The following DOCK4 variants were observed in gnomAD, a reference collection of about 807,000 sequenced individuals.
DOCK4 encodes the protein dedicator of cytokinesis 4.
DOCK4 carries 97 observed loss-of-function variants against 268.1 expected under a neutral mutation model. That is an observed-to-expected ratio of 0.36 (90% CI 0.31 to 0.43). The LOEUF is 0.43. Ranked by LOEUF, DOCK4 falls within the 20% of genes least tolerant of loss-of-function variation. DOCK4 has a pLI of 1.00. For synonymous variants in DOCK4, 954 were observed against 887.2 expected, an observed-to-expected ratio of 1.08 and a Z score of -1.34; for missense variants, 2,145 against 2,455.7, an observed-to-expected ratio of 0.87 and a Z score of 2.67.
chr7:112,189,137 G>C (rs1483094306), intron 1 of DOCK4, among the ~76,000 whole-genome samples: 1 of 152,164 alleles, frequency 6.6e-6, no homozygotes, highest in East Asian at 1.9e-4. Context: ...TATTTCTTCA[G>C]CATGCCATAT....
chr7:112,187,369 C>A (rs1189284640), intron 1 of DOCK4, among the ~76,000 whole-genome samples: 1 of 152,126 alleles, frequency 6.6e-6, no homozygotes, highest in Non-Finnish European at 1.5e-5. Context: ...TGTCTACATG[C>A]GAATAATTTC....
chr7:112,034,678 T>G (rs886852471), intron 1 of DOCK4, among the ~76,000 whole-genome samples: 1 of 152,166 alleles, frequency 6.6e-6, no homozygotes, highest in Non-Finnish European at 1.5e-5. Context: ...GGCGGGTGGA[T>G]TGCTTGAGGC....
intron 1 of DOCK4, among the ~76,000 whole-genome samples, chr7:112,096,309 T>C (rs1810130213): frequency 2.0e-5 from 3 of 152,192 alleles, no homozygotes; most frequent in Middle Eastern, 3.4e-3. Flanking sequence ...TGGAATGACA[T>C]GCACATGCCA....
At chr7:112,102,272 G>A (rs916397159) in intron 1 of DOCK4, among the ~76,000 whole-genome samples, 4 of 152,070 alleles carry the variant, frequency 2.6e-5, no homozygotes. Context: ...CTCAAGAAAT[G>A]AAAGATTAAT....
At chr7:112,114,447 T>G (rs919048635) in intron 1 of DOCK4, among the ~76,000 whole-genome samples, 5 of 152,232 alleles carry the variant, frequency 3.3e-5, no homozygotes, top group Non-Finnish European at 7.3e-5. Flanking sequence ...TGACAGGCTC[T>G]TGTTATTCAT....
Position 111,765,229 on chromosome 7 carries a change from A to G in DOCK4, c.3916-7T>C. ...ACAAAGAGGCTTCCATCATCTAGAA[A>G]GCACAGGAAACATTCTAAGCATTTT... On this transcript the variant is annotated splice_polypyrimidine_tract_variant and splice_region_variant and intron_variant, in intron 38 of 52. Coordinates refer to ENST00000428084, the MANE Select transcript of DOCK4 (RefSeq NM_001363540.2). 1 of 1,480,406 alleles carries G rather than the reference A, an allele frequency of 6.8e-7. No homozygotes were observed. The highest frequency in any genetic ancestry group is 2.5e-5 in the East Asian group (1 of 40,726). The allele number at this position is 1,480,406 out of a possible 1,614,324, so 91.7% of individuals were successfully genotyped here. A position where few individuals can be genotyped will look rare whatever the true frequency, so the allele number is the denominator to read the frequency against.
At chr7:112,145,613 C>T (rs1815404027) in intron 1 of DOCK4, among the ~76,000 whole-genome samples, 1 of 152,154 alleles carries the variant, frequency 6.6e-6, no homozygotes, top group Non-Finnish European at 1.5e-5. Context: ...GTATACAAAC[C>T]TAACAGGATC....
At chr7:111,741,309 AT>A in intron 46 of DOCK4, 95 bp from the exon 47 acceptor site, 1 of 1,520,610 alleles carries the variant, frequency 6.6e-7, no homozygotes, top group Non-Finnish European at 8.9e-7. Context: ...GGGAAAATAC[AT>A]TCCGTTTTGT....
rs116283312 is a variant in DOCK4 at position 111,879,155 on chromosome 7, A to G, written c.1588-1969T>C. Among the ~76,000 whole-genome samples the G allele has an allele frequency of 7.2e-3, 1,097 of 152,148 alleles. 18 individuals are homozygous for G. Among genetic ancestry groups the G allele is most frequent in the African/African-American group, 0.025 (1,018 of 41,500 alleles). On this transcript the variant is annotated intron_variant, in intron 16 of 52. Transcript: ENST00000428084. ...GTTACCAGCTCAGCCACAGTAAGAT[A>G]GGGCACTGGGCAGAGTCATGAGGCC...
At chr7:112,076,089 T>C (rs111340236) in intron 1 of DOCK4, among the ~76,000 whole-genome samples, 10 of 152,308 alleles carry the variant, frequency 6.6e-5, no homozygotes, top group African/African-American at 2.2e-4. Context: ...ACTTTAATGC[T>C]AAAAATATTT....
chr7:111,843,115 C>T (rs991535874), intron 25 of DOCK4, among the ~76,000 whole-genome samples: 3 of 152,086 alleles, frequency 2.0e-5, no homozygotes, highest in African/African-American at 7.2e-5. Context: ...CTGACACATA[C>T]AAAATGGTTA....
rs985542026 is a variant in DOCK4, at chr7:111,727,459, A to G, written c.*815T>C. The G allele has an allele frequency of 6.6e-6, 1 of 152,588 alleles. No individual in the cohort carries two copies. The highest frequency in any genetic ancestry group is 2.4e-5 in the African/African-American group (1 of 41,426). The allele number at this position is 152,588 out of a possible 1,614,324, so 9.5% of individuals were successfully genotyped here. On this transcript the variant is annotated 3_prime_UTR_variant, in exon 53 of 53. Coordinates refer to ENST00000428084, the MANE Select transcript of DOCK4 (RefSeq NM_001363540.2). The stretch of plus-strand genomic sequence containing the variant: ...GTCATTTGTGCCTCATTAATACTTC[A>G]GCATTTGCTCTTGTTCAATGACAAA...
In DOCK4 at chr7:111,933,295, TATA is replaced by T. The variant is rs201670752; in HGVS notation, c.1066+2242_1066+2244del. ...ACATATATACATATATATATATATA[TATA>T]TTTTTTTTTTTTTTTGAGATGGAGT... On this transcript the variant is annotated intron_variant, in intron 12 of 52. Transcript: ENST00000428084. Among the ~76,000 whole-genome samples the T allele has an allele frequency of 4.6e-3, 527 of 114,342 alleles. 22 individuals carry two copies. The highest frequency in any genetic ancestry group is 0.016 in the African/African-American group (431 of 27,076). The allele number at this position is 114,342 out of a possible 152,430, so 75.0% of individuals were successfully genotyped here.
chr7:111,742,404 G>T (rs1485835410), intron 44 of DOCK4, among the ~76,000 whole-genome samples: 4 of 152,138 alleles, frequency 2.6e-5, no homozygotes, highest in African/African-American at 4.8e-5. Context: ...ATGTATTTTA[G>T]ATCTATAATT....
intron 35 of DOCK4, among the ~76,000 whole-genome samples, chr7:111,780,547 C>G (rs1798727317): frequency 6.6e-6 from 1 of 152,130 alleles, no homozygotes; most frequent in Non-Finnish European, 1.5e-5. Context: ...AAAAAAATAC[C>G]TCCAGTCAGC....
At chr7:111,916,036 A>T in intron 12 of DOCK4, 132 bp from the exon 13 acceptor site, 1 of 948,942 alleles carries the variant, frequency 1.1e-6, no homozygotes, top group Non-Finnish European at 1.6e-6. Context: ...GACGAAATCG[A>T]CAGAATCTAT....
intron 44 of DOCK4, among the ~76,000 whole-genome samples, chr7:111,744,747 A>G (rs989142601): frequency 3.9e-5 from 6 of 152,228 alleles, no homozygotes; most frequent in Non-Finnish European, 8.8e-5. Flanking sequence ...GCTCACTTCT[A>G]GTATCTACAA....
At chr7:112,164,297 G>A (rs1218838974) in intron 1 of DOCK4, among the ~76,000 whole-genome samples, 3 of 151,350 alleles carry the variant, frequency 2.0e-5, no homozygotes, top group African/African-American at 7.4e-5. Context: ...ACCCTGTCTT[G>A]AAGGCATTTG....
chr7:111,728,413 G>A lies in DOCK4; in HGVS notation c.5789C>T (p.Ser1930Phe). The A allele has an allele frequency of 6.3e-7, 1 of 1,575,168 alleles. No homozygotes were observed. Among genetic ancestry groups the A allele is most frequent in the East Asian group, 2.2e-5 (1 of 44,546 alleles). The change falls in exon 53 of 53, where the codon TCC (serine) becomes TTC (phenylalanine). Residue 1930 changes from serine to phenylalanine, a missense_variant. Physicochemically the swap from Ser to Phe is radical, Grantham distance 155 (BLOSUM62 -2). Around this residue, in one of 2 missense-constraint regions of DOCK4, gnomAD observed 547 missense variants for 469.0 expected, o/e 1.17. Coordinates refer to ENST00000428084, the MANE Select transcript of DOCK4 (RefSeq NM_001363540.2). ...RRPVPLPHSL[S>F]IPVTSEPPAL... ...GGGCGGCTCCGACGTGACGGGGATG[G>A]AGAGGCTGTGAGGTAGCGGGACGGG...
Sources: gnomAD v4.1 joint callset for allele counts (sites outside exome capture counted in the v4.1 genomes callset) on GRCh38, gnomAD v4.1.1 for gene constraint, gnomAD v4.1.1 regional missense constraint, MANE v1.5 for transcripts, NCBI Gene and HGNC (gene_info 2026-07-23, HGNC 2026-07-21) for gene names.